The following SNTG2 variants were observed in gnomAD, a reference collection of about 807,000 sequenced individuals.
SNTG2 encodes the protein gamma-2-syntrophin.
Under a neutral mutation model 70.9 loss-of-function variants are expected in SNTG2, and 74 were observed. The ratio of observed to expected loss-of-function variants is 1.04; its 90% CI spans 0.86 to 1.27. The LOEUF (loss-of-function observed/expected upper bound fraction) is 1.27, where lower values mean the gene tolerates loss of function less well. Ranked by LOEUF, SNTG2 falls within the 50% of genes most tolerant of loss-of-function variation. SNTG2 has a pLI of 0.00. For missense variants in SNTG2, 717 were observed against 690.7 expected (o/e 1.04, Z -0.43); for synonymous variants, 278 against 273.8 (o/e 1.02, Z -0.15).
intron 1 of SNTG2, among the ~76,000 whole-genome samples, chr2:1,034,887 A>G (rs968449223): frequency 6.6e-6 from 1 of 152,214 alleles, no homozygotes; most frequent in African/African-American, 2.4e-5. Flanking sequence ...CCTCTAAACA[A>G]CTTTCCACCC....
chr2:1,058,651 C>T (rs1662615880), intron 1 of SNTG2, among the ~76,000 whole-genome samples: 1 of 152,184 alleles, frequency 6.6e-6, no homozygotes, highest in African/African-American at 2.4e-5. Context: ...CCAGTGTCCC[C>T]CACATTGGGG....
intron 14 of SNTG2, among the ~76,000 whole-genome samples, chr2:1,288,805 C>T (rs1009917627): frequency 7.2e-5 from 11 of 152,252 alleles, no homozygotes; most frequent in East Asian, 5.8e-4. Context: ...TGTATTCACA[C>T]ATGCTCATGC....
intron 1 of SNTG2, among the ~76,000 whole-genome samples, chr2:978,045 T>A (rs537831494): frequency 6.6e-6 from 1 of 152,368 alleles, no homozygotes; most frequent in Admixed American, 6.5e-5. Flanking sequence ...CTTGTTTCCT[T>A]GTTTATTGTG....
At chr2:981,978 T>C (rs937686739) in intron 1 of SNTG2, among the ~76,000 whole-genome samples, 1 of 151,662 alleles carries the variant, frequency 6.6e-6, no homozygotes, top group African/African-American at 2.4e-5. Context: ...AGATGCACAC[T>C]CACATGCACT....
chr2:1,310,209 A>G (rs1284977835), intron 15 of SNTG2, among the ~76,000 whole-genome samples: 2 of 152,078 alleles, frequency 1.3e-5, no homozygotes, highest in Admixed American at 1.3e-4. Flanking sequence ...GTGTCCCTCC[A>G]CTGGAAGGAG....
At chr2:1,243,896 C>G (rs181930702) in intron 11 of SNTG2, among the ~76,000 whole-genome samples, 17 of 152,132 alleles carry the variant, frequency 1.1e-4, no homozygotes, top group Admixed American at 5.2e-4. Context: ...CGTGGTGGCA[C>G]GCGCCTGTAA....
At chr2:1,137,481 C>A in intron 4 of SNTG2, 141 bp from the exon 5 acceptor site, 3 of 806,372 alleles carry the variant, frequency 3.7e-6, no homozygotes, top group Non-Finnish European at 6.1e-6. Flanking sequence ...CACAAACACA[C>A]ATCTGCTCAC....
At chr2:1,121,564 G>A (rs1667379880) in intron 4 of SNTG2, among the ~76,000 whole-genome samples, 1 of 146,388 alleles carries the variant, frequency 6.8e-6, no homozygotes, top group Non-Finnish European at 1.6e-5. Context: ...GAAGGAAAGT[G>A]TTTGACTCAC....
At chr2:1,244,633 T>C (rs1320497147) in intron 11 of SNTG2, among the ~76,000 whole-genome samples, 2 of 144,584 alleles carry the variant, frequency 1.4e-5, no homozygotes, top group African/African-American at 2.6e-5. Flanking sequence ...GAGGCAGAGC[T>C]TGCAGTGAGC....
At chr2:1,199,932 C>T (rs565137538) in intron 8 of SNTG2, among the ~76,000 whole-genome samples, 2 of 151,958 alleles carry the variant, frequency 1.3e-5, no homozygotes, top group South Asian at 4.2e-4. Context: ...TAAAAATGAC[C>T]ATATTTCCTA....
intron 1 of SNTG2, among the ~76,000 whole-genome samples, chr2:996,673 G>GTTTTTTTTTGTTT (rs1661691160): frequency 2.8e-5 from 1 of 35,116 alleles, no homozygotes; most frequent in African/African-American, 1.3e-4. Context: ...GAGTTACCCA[G>GTTTTTTTTTGTTT]TTTTTTTTTT....
chr2:954,240 A>G (rs1448260259), intron 1 of SNTG2, among the ~76,000 whole-genome samples: 1 of 151,462 alleles, frequency 6.6e-6, no homozygotes, highest in Non-Finnish European at 1.5e-5. Flanking sequence ...GTTCCAGGGA[A>G]CTCAGAGAAC....
chr2:1,119,139 A>C (rs781352667), intron 4 of SNTG2, among the ~76,000 whole-genome samples: 2 of 152,224 alleles, frequency 1.3e-5, no homozygotes, highest in Non-Finnish European at 2.9e-5. Context: ...AAAACAAACA[A>C]ACACAAAAAC....
intron 16 of SNTG2, chr2:1,341,480 T>C (rs965348919): frequency 2.6e-5 from 4 of 152,164 alleles, no homozygotes; most frequent in African/African-American, 9.7e-5. Flanking sequence ...GTGAAGGTTG[T>C]CTTGGCTGCA....
At chr2:979,070 A>C (rs1661008707) in intron 1 of SNTG2, among the ~76,000 whole-genome samples, 1 of 152,258 alleles carries the variant, frequency 6.6e-6, no homozygotes, top group Admixed American at 6.5e-5. Context: ...CATTAAATTC[A>C]ATTTCAATGA....
At chr2:1,000,469 G>GTGT in intron 1 of SNTG2, among the ~76,000 whole-genome samples, 1 of 151,744 alleles carries the variant, frequency 6.6e-6, no homozygotes, top group Middle Eastern at 3.5e-3. Flanking sequence ...AAATACAAAA[G>GTGT]ATCCTCAGAG....
At chr2:1,012,629 CAG>C (rs1226383032) in intron 1 of SNTG2, among the ~76,000 whole-genome samples, 1 of 123,686 alleles carries the variant, frequency 8.1e-6, no homozygotes, top group Non-Finnish European at 1.8e-5. Context: ...TTTATAAGGA[CAG>C]AGAGAAGGGT....
chr2:1,131,160 C>G (rs1285677093), intron 4 of SNTG2, among the ~76,000 whole-genome samples: 1 of 152,170 alleles, frequency 6.6e-6, no homozygotes, highest in East Asian at 1.9e-4. Context: ...ACATTCTGGT[C>G]TGTTAAGATC....
intron 1 of SNTG2, among the ~76,000 whole-genome samples, chr2:1,031,528 A>ATATATATATTTTTTTTTTTTTTT: frequency 6.8e-5 from 4 of 59,122 alleles, no homozygotes; most frequent in East Asian, 5.8e-4. Context: ...ATATATATAT[A>ATATATATATTTTTTTTTTTTTTT]TTTTTTTTTT....
Sources: gnomAD v4.1 joint callset for allele counts (sites outside exome capture counted in the v4.1 genomes callset) on GRCh38, gnomAD v4.1.1 for gene constraint, MANE v1.5 for transcripts, NCBI Gene and HGNC (gene_info 2026-07-23, HGNC 2026-07-21) for gene names.